Variants in ARFGEF3 observed in about 807,000 individuals in gnomAD.
ARFGEF3 encodes the protein ARFGEF family member 3, also known as brefeldin A-inhibited guanine nucleotide-exchange protein 3.
In ARFGEF3, 96 loss-of-function variants were observed where a neutral mutation model predicts 221.7. The observed-to-expected ratio is 0.43, with a 90% CI of 0.37 to 0.51. The LOEUF is 0.51. Ranked by LOEUF, ARFGEF3 falls within the 20% of genes least tolerant of loss-of-function variation. ARFGEF3 has a pLI of 0.00. For synonymous variants in ARFGEF3, 1,145 were observed against 1,126.8 expected (o/e 1.02, Z -0.32); for missense variants, 2,410 against 2,789.9 (o/e 0.86, Z 3.07).
chr6:138,330,704 C>T (rs1780213180), intron 32 of ARFGEF3, among the ~76,000 whole-genome samples: 1 of 149,756 alleles, frequency 6.7e-6, no homozygotes, highest in East Asian at 1.9e-4. Flanking sequence ...GCCAGGTTAG[C>T]AGGTCAGTTT....
chr6:138,218,812 G>A (rs574193791), intron 4 of ARFGEF3, among the ~76,000 whole-genome samples: 3 of 152,224 alleles, frequency 2.0e-5, no homozygotes, highest in East Asian at 1.9e-4. Context: ...AGGAGTGAGG[G>A]TGTTATCTGG....
At chr6:138,273,372 G>A (rs560268458) in intron 12 of ARFGEF3, among the ~76,000 whole-genome samples, 44 of 152,302 alleles carry the variant, frequency 2.9e-4, no homozygotes, top group African/African-American at 1.0e-3. Flanking sequence ...AGTCAAGTAG[G>A]TGATCCATCC....
At position 138,334,864 on chromosome 6, in the gene ARFGEF3, G is replaced by GT; in HGVS notation, c.6018_6019insT (p.Glu2007Ter). Reference sequence around the variant, plus strand: ...ATCCCAGCCGGAAGAAGGAGTGGTGGGAGAATGCGGGGAACAAAATCTACA... The same window carrying GT: ...ATCCCAGCCGGAAGAAGGAGTGGTGGTGAGAATGCGGGGAACAAAATCTACA... On this transcript the variant is annotated frameshift_variant, in exon 33 of 34. Coordinates refer to ENST00000251691, the MANE Select transcript of ARFGEF3 (RefSeq NM_020340.5). LOFTEE classifies it high-confidence loss of function. The surrounding 1 kb of genome is among the most constrained non-coding windows in gnomAD (Gnocchi z 5.1). The GT allele has an allele frequency of 6.3e-7, 1 of 1,591,738 alleles. No individual in the cohort carries two copies. Among genetic ancestry groups the GT allele is most frequent in the Non-Finnish European group, 8.5e-7 (1 of 1,170,046 alleles).
intron 5 of ARFGEF3, among the ~76,000 whole-genome samples, chr6:138,233,457 A>C (rs1167026914): frequency 6.6e-6 from 1 of 152,110 alleles, no homozygotes; most frequent in African/African-American, 2.4e-5. Context: ...GCTCACTGCA[A>C]CCTACGCCTC....
chr6:138,223,935 T>A (rs1458939180), intron 4 of ARFGEF3, among the ~76,000 whole-genome samples: 1 of 152,216 alleles, frequency 6.6e-6, no homozygotes, highest in Non-Finnish European at 1.5e-5. Flanking sequence ...TAAGAGATTA[T>A]CTTATTTGTT....
intron 4 of ARFGEF3, among the ~76,000 whole-genome samples, chr6:138,226,081 G>A (rs1357217383): frequency 6.6e-6 from 1 of 152,192 alleles, no homozygotes; most frequent in Non-Finnish European, 1.5e-5. Flanking sequence ...CACAGCCTCT[G>A]CTCTGCCCTG....
In ARFGEF3 at chr6:138,197,652, G is replaced by A. The variant is rs115514155; in HGVS notation, c.138-9390G>A. Among the ~76,000 whole-genome samples, 740 of 152,270 alleles carry A rather than the reference G, an allele frequency of 4.9e-3. 7 individuals are homozygous for A. Among genetic ancestry groups the A allele is most frequent in the African/African-American group, 0.016 (668 of 41,552 alleles). ...TCCATGATCATCTTATGGGACCACC[G>A]TGGTCCGTCATTGACGGAAACACCA... On this transcript the variant is annotated intron_variant, in intron 2 of 33. Coordinates refer to ENST00000251691, the MANE Select transcript of ARFGEF3 (RefSeq NM_020340.5).
chr6:138,313,861 C>T lies in ARFGEF3; in HGVS notation c.4267C>T (p.Pro1423Ser). 6.2e-7 allele frequency: 1 copy of T among 1,613,906 alleles called. No individual in the cohort carries two copies. The highest frequency in any genetic ancestry group is 8.5e-7 in the Non-Finnish European group (1 of 1,179,840). ...CCTTAGTGGGAGACTTGCCGGCTTG[C>T]CTCGAAGACTTCAGGAACAGTCAGC... ...IFLSGRLAGL[P>S]RRLQEQSASS... The change falls in exon 26 of 34, where the codon CCT becomes TCT. Residue 1423 changes from proline (P) to serine (S), a missense_variant. By Grantham distance (74) the Pro-to-Ser change is moderately conservative. Transcript: ENST00000251691.
Position 138,291,793 on chromosome 6 carries a change from C to T in ARFGEF3, c.3108C>T (p.Pro1036=). 6.8e-7 allele frequency: 1 copy of T among 1,473,834 alleles called. No individual in the cohort carries two copies. Among genetic ancestry groups the T allele is most frequent in the Non-Finnish European group, 9.0e-7 (1 of 1,111,866 alleles). The allele number at this position is 1,473,834 out of a possible 1,614,324, so 91.3% of individuals were successfully genotyped here. The change falls in exon 19 of 34, where the codon CCC becomes CCT. Residue 1036 remains proline (P), a synonymous_variant. Coordinates refer to ENST00000251691, the MANE Select transcript of ARFGEF3 (RefSeq NM_020340.5). The surrounding 1 kb of genome is among the most constrained non-coding windows in gnomAD (Gnocchi z 4.5). ...ACTTCAGCGATGGTGCCTCGCAGCC[C>T]CCTCTGACCATCAGCCAGCCCCAGA... The part of the protein sequence containing the change: ...HNHFSDGASQ[P]PLTISQPQKA...
Position 138,337,207 on chromosome 6 carries a change from A to G in ARFGEF3, c.*721A>G, listed in dbSNP as rs1780342908. 1 of 152,666 alleles carries G rather than the reference A, an allele frequency of 6.6e-6. No homozygotes were observed. The highest frequency in any genetic ancestry group is 1.5e-5 in the Non-Finnish European group (1 of 68,048). The allele number at this position is 152,666 out of a possible 1,614,324, so 9.5% of individuals were successfully genotyped here. ...GAAGTCTGTGGCTTATCAGCCTGTG[A>G]CACAGAGTACCCAGTGAAAGTGGCT... On this transcript the variant is annotated 3_prime_UTR_variant, in exon 34 of 34. Coordinates refer to ENST00000251691, the MANE Select transcript of ARFGEF3 (RefSeq NM_020340.5).
At position 138,250,004 on chromosome 6, in the gene ARFGEF3, T is replaced by C. The variant is rs572417100; in HGVS notation, c.666-3876T>C. Among the ~76,000 whole-genome samples the C allele has an allele frequency of 2.6e-5, 4 of 152,354 alleles. No homozygotes were observed. In the South Asian group the frequency reaches 6.2e-4, roughly 24 times the overall value. ...TTCATTCTCCTTGCTAAGTTTTTAC[T>C]TGTGTACCATTGCTTCTGATTTTAC... is the stretch of plus-strand genomic sequence containing the variant. On this transcript the variant is annotated intron_variant, in intron 8 of 33. Transcript: ENST00000251691.
intron 12 of ARFGEF3, among the ~76,000 whole-genome samples, chr6:138,264,896 T>A (rs1178255486): frequency 6.6e-6 from 1 of 151,682 alleles, no homozygotes; most frequent in African/African-American, 2.4e-5. Context: ...GAACAAATTT[T>A]TTTTTCCTTT....
intron 10 of ARFGEF3, among the ~76,000 whole-genome samples, chr6:138,256,656 A>C (rs1778687409): frequency 6.6e-6 from 1 of 152,160 alleles, no homozygotes; most frequent in African/African-American, 2.4e-5. Context: ...AGATTTAATG[A>C]CTGTTAAGAA....
chr6:138,221,084 A>G (rs1214046473), intron 4 of ARFGEF3, among the ~76,000 whole-genome samples: 2 of 152,096 alleles, frequency 1.3e-5, no homozygotes, highest in Non-Finnish European at 2.9e-5. Context: ...GGGCTGGCTG[A>G]CTTACAATTG....
intron 8 of ARFGEF3, among the ~76,000 whole-genome samples, chr6:138,250,367 T>C (rs1778557288): frequency 6.6e-6 from 1 of 151,966 alleles, no homozygotes; most frequent in Non-Finnish European, 1.5e-5. Flanking sequence ...GAAAGATACT[T>C]ACTTATTCTC....
intron 22 of ARFGEF3, among the ~76,000 whole-genome samples, chr6:138,299,035 TA>T (rs1211249915): frequency 1.3e-5 from 2 of 151,564 alleles, no homozygotes; most frequent in Admixed American, 6.6e-5. Context: ...CCGTCTCTAC[TA>T]AAAATACAAA....
chr6:138,226,846 A>G (rs1377998321), intron 4 of ARFGEF3, among the ~76,000 whole-genome samples: 1 of 152,156 alleles, frequency 6.6e-6, no homozygotes, highest in East Asian at 1.9e-4. Flanking sequence ...AGTCATTTTT[A>G]TCTGCTGCAT....
At chr6:138,197,861 G>A (rs1777459231) in intron 2 of ARFGEF3, among the ~76,000 whole-genome samples, 1 of 152,118 alleles carries the variant, frequency 6.6e-6, no homozygotes, top group Non-Finnish European at 1.5e-5. Flanking sequence ...TTCAGATTAT[G>A]CAAGTATACT....
rs1171619405 is a variant in ARFGEF3 at position 138,343,202 on chromosome 6, A to C, written c.*6716A>C. 6.6e-6 allele frequency: 1 copy of C among 152,220 alleles called. No homozygotes were observed. Among genetic ancestry groups the C allele is most frequent in the Non-Finnish European group, 1.5e-5 (1 of 68,034 alleles). 9.4% of individuals were successfully genotyped at this position (152,220 alleles called of 1,614,324 possible). On this transcript the variant is annotated 3_prime_UTR_variant, in exon 34 of 34. Transcript: ENST00000251691. ...TACAGAGAATGATTTAAGAAAAAAC[A>C]AGTCACTTAAAAATCATCACCTATT...
Sources: gnomAD v4.1 joint callset for allele counts (sites outside exome capture counted in the v4.1 genomes callset) on GRCh38, gnomAD v4.1.1 for gene constraint, Gnocchi (gnomAD v3.1) non-coding constraint, MANE v1.5 for transcripts, NCBI Gene and HGNC (gene_info 2026-07-23, HGNC 2026-07-21) for gene names.